ST8SIA1: variants seen among roughly 807,000 people sequenced by gnomAD.
ST8SIA1 encodes alpha-N-acetylneuraminide alpha-2,8-sialyltransferase.
A neutral mutation model predicts 35.9 loss-of-function variants in ST8SIA1; 16 were observed. The observed-to-expected ratio is 0.45, with a 90% CI of 0.30 to 0.68. ST8SIA1 has a LOEUF of 0.68. Ranked by LOEUF, ST8SIA1 falls within the 30% of genes least tolerant of loss-of-function variation. The pLI is 0.09. For synonymous variants in ST8SIA1, 170 were observed against 169.6 expected, an observed-to-expected ratio of 1.00 and a Z score of -0.02; for missense variants, 383 against 453.6, an observed-to-expected ratio of 0.84 and a Z score of 1.41.
chr12:22,289,436 T>A (rs188798594), intron 1 of ST8SIA1, among the ~76,000 whole-genome samples: 7 of 152,258 alleles, frequency 4.6e-5, no homozygotes, highest in Non-Finnish European at 8.8e-5. Flanking sequence ...GCGAGCTACC[T>A]GCTCAGAACC....
At chr12:22,218,231 C>A (rs1038492175) in intron 4 of ST8SIA1, among the ~76,000 whole-genome samples, 1 of 151,784 alleles carries the variant, frequency 6.6e-6, no homozygotes, top group East Asian at 1.9e-4. Context: ...GGCTGAGACA[C>A]AAGAATTGCT....
rs1865006775 is a variant in ST8SIA1 at position 22,197,855 on chromosome 12, G to A, written c.*3697C>T. ...CCTACCCTTGTGAAGACAGATAAAA[G>A]TGAACTATACAGAAGCAAAATCCAG... is the stretch of plus-strand genomic sequence containing the variant. On this transcript the variant is annotated 3_prime_UTR_variant, in exon 5 of 5. Transcript: ENST00000396037. 6.6e-6 allele frequency: 1 copy of A among 152,132 alleles called. No homozygotes were observed. The highest frequency in any genetic ancestry group is 1.5e-5 in the Non-Finnish European group (1 of 68,034). 9.4% of individuals were successfully genotyped at this position (152,132 alleles called of 1,614,324 possible). A position where few individuals can be genotyped will look rare whatever the true frequency, so the allele number is the denominator to read the frequency against.
intron 1 of ST8SIA1, among the ~76,000 whole-genome samples, chr12:22,288,385 A>G (rs56268100): frequency 0.15 from 23,483 of 152,200 alleles, 1,859 homozygotes; most frequent in Middle Eastern, 0.24. Flanking sequence ...GAACTGCCCT[A>G]TGAGACTTTC....
At chr12:22,280,379 T>C (rs1866018863) in intron 2 of ST8SIA1, among the ~76,000 whole-genome samples, 1 of 152,032 alleles carries the variant, frequency 6.6e-6, no homozygotes, top group African/African-American at 2.4e-5. Flanking sequence ...AAGAAGAAAA[T>C]GTTATATGGA....
intron 4 of ST8SIA1, among the ~76,000 whole-genome samples, chr12:22,234,651 T>C (rs1865456457): frequency 6.6e-6 from 1 of 152,216 alleles, no homozygotes; most frequent in South Asian, 2.1e-4. Context: ...TTTGGAGATA[T>C]TTTAAATGCC....
chr12:22,332,714 TTA>T (rs1457371028), intron 1 of ST8SIA1, among the ~76,000 whole-genome samples: 8 of 152,218 alleles, frequency 5.3e-5, no homozygotes, highest in Non-Finnish European at 1.0e-4. Context: ...ATTGGCTCTG[TTA>T]TCTTTTTAAT....
chr12:22,301,333 T>A (rs1379504628), intron 1 of ST8SIA1, among the ~76,000 whole-genome samples: 1 of 152,046 alleles, frequency 6.6e-6, no homozygotes, highest in Non-Finnish European at 1.5e-5. Flanking sequence ...AGGTATTAAC[T>A]GCACAGACTA....
chr12:22,289,350 C>G (rs1217346256), intron 1 of ST8SIA1, among the ~76,000 whole-genome samples: 1 of 152,040 alleles, frequency 6.6e-6, no homozygotes, highest in Non-Finnish European at 1.5e-5. Flanking sequence ...AGGCTTAGAG[C>G]GGTTCCAGGA....
At chr12:22,224,316 C>CT (rs11434182) in intron 4 of ST8SIA1, among the ~76,000 whole-genome samples, 52,111 of 144,916 alleles carry the variant, frequency 0.36, 9,810 homozygotes, top group East Asian at 0.49. Flanking sequence ...TATATTTATA[C>CT]TTTTTTTTTT....
rs1283097631 is a variant in ST8SIA1, at chr12:22,334,285, C to T, written c.-53G>A. 6.8e-7 allele frequency: 1 copy of T among 1,470,020 alleles called. No homozygotes were observed. Among genetic ancestry groups the T allele is most frequent in the Non-Finnish European group, 9.3e-7 (1 of 1,071,730 alleles). The allele number at this position is 1,470,020 out of a possible 1,614,324, so 91.1% of individuals were successfully genotyped here. On this transcript the variant is annotated 5_prime_UTR_variant, in exon 1 of 5. Transcript: ENST00000396037. ...GCCGGGGCCTCAGCACAAAGCTAGG[C>T]GAAGTGGCAGCGGAGGGTCCCCCAC...
At chr12:22,321,244 G>C (rs538250091) in intron 1 of ST8SIA1, among the ~76,000 whole-genome samples, 1 of 152,208 alleles carries the variant, frequency 6.6e-6, no homozygotes, top group Non-Finnish European at 1.5e-5. Context: ...GCCCTTTGGC[G>C]TGGCAAGGAT....
chr12:22,283,129 G>A (rs1014702333), intron 2 of ST8SIA1, among the ~76,000 whole-genome samples: 1 of 152,124 alleles, frequency 6.6e-6, no homozygotes, highest in Non-Finnish European at 1.5e-5. Flanking sequence ...AGCCAACCTA[G>A]GAAGCTGGAA....
intron 1 of ST8SIA1, chr12:22,324,589 A>G (rs1261229922): frequency 1.3e-5 from 2 of 152,184 alleles, no homozygotes; most frequent in East Asian, 1.9e-4. Context: ...TTATACACAC[A>G]TTGGCATTGA....
chr12:22,290,799 C>T lies in ST8SIA1; in HGVS notation c.237-3506G>A, dbSNP rs538259431. On this transcript the variant is annotated intron_variant, in intron 1 of 4. Coordinates refer to ENST00000396037, the MANE Select transcript of ST8SIA1 (RefSeq NM_003034.4). ...ATAGACCAGCTTTTAGAATTTTTAG[C>T]GAATTTGGCTCCTATCTCCTTTTTC... 2.5e-3 allele frequency among the ~76,000 whole-genome samples: 377 copies of T among 152,226 alleles called. 4 individuals carry two copies. Among genetic ancestry groups the T allele is most frequent in the South Asian group, 0.022 (107 of 4,816 alleles).
chr12:22,279,821 C>T (rs1370353834), intron 2 of ST8SIA1, among the ~76,000 whole-genome samples: 1 of 152,186 alleles, frequency 6.6e-6, no homozygotes, highest in African/African-American at 2.4e-5. Flanking sequence ...GCAAGTCAAG[C>T]TTCAGGGTCG....
chr12:22,209,119 T>G (rs1317443525), intron 4 of ST8SIA1, among the ~76,000 whole-genome samples: 4 of 152,142 alleles, frequency 2.6e-5, no homozygotes, highest in Non-Finnish European at 5.9e-5. Flanking sequence ...TGCTTTAAAA[T>G]GAAAGTCTTC....
At chr12:22,278,162 C>T (rs575857471) in intron 2 of ST8SIA1, among the ~76,000 whole-genome samples, 2 of 152,268 alleles carry the variant, frequency 1.3e-5, no homozygotes, top group South Asian at 2.1e-4. Context: ...GGTGACAAGT[C>T]CAATCAATGT....
intron 2 of ST8SIA1, 25 bp downstream of exon 2, chr12:22,287,124 T>C (rs1039940758): frequency 3.9e-5 from 62 of 1,591,446 alleles, no homozygotes; most frequent in Non-Finnish European, 5.3e-5. Flanking sequence ...GAAACCATAC[T>C]GAAGGCAACC....
chr12:22,326,719 C>T (rs1315940717), intron 1 of ST8SIA1, among the ~76,000 whole-genome samples: 1 of 152,128 alleles, frequency 6.6e-6, no homozygotes, highest in African/African-American at 2.4e-5. Context: ...CATCACAAAC[C>T]TATGAAGTAG....
Sources: allele counts gnomAD v4.1 joint callset (sites outside exome capture counted in the v4.1 genomes callset), GRCh38; gene constraint gnomAD v4.1.1; transcripts MANE v1.5; gene names NCBI Gene and HGNC (gene_info 2026-07-23, HGNC 2026-07-21).